The following BRINP2 variants were observed in gnomAD, a reference collection of about 807,000 sequenced individuals.
BRINP2 encodes the protein BMP/retinoic acid-inducible neural-specific protein 2.
In BRINP2, 21 loss-of-function variants were observed where a neutral mutation model predicts 69.2. The ratio of observed to expected loss-of-function variants is 0.30; its 90% CI spans 0.22 to 0.44. The LOEUF (loss-of-function observed/expected upper bound fraction) is 0.44, where lower values mean the gene tolerates loss of function less well. BRINP2 is among the 20% of genes least tolerant of loss of function. The pLI, the probability that BRINP2 is intolerant of heterozygous loss-of-function variation, is 1.00. For synonymous variants in BRINP2, 380 were observed against 394.1 expected, an observed-to-expected ratio of 0.96 and a Z score of 0.42; for missense variants, 877 against 986.0, an observed-to-expected ratio of 0.89 and a Z score of 1.48.
rs559827025 is a variant in BRINP2 at position 177,194,929 on chromosome 1, C to T, written c.-77+23197C>T. On this transcript the variant is annotated intron_variant, in intron 1 of 7. Transcript: ENST00000361539. Reference sequence around the variant, plus strand: ...ATTTTCTTGTTAAGACATCACCTTCCGGGCCTCATAACAAAATAACTTCTA... The same window carrying T: ...ATTTTCTTGTTAAGACATCACCTTCTGGGCCTCATAACAAAATAACTTCTA... Among the ~76,000 whole-genome samples, 7 of 152,250 alleles carry T rather than the reference C, an allele frequency of 4.6e-5. No individual in the cohort carries two copies. In the East Asian group the frequency reaches 1.4e-3, roughly 29 times the overall value.
intron 1 of BRINP2, among the ~76,000 whole-genome samples, chr1:177,192,818 A>G (rs1348147586): frequency 1.3e-5 from 2 of 152,244 alleles, no homozygotes; most frequent in Admixed American, 6.5e-5. Context: ...CTCTGCCAAT[A>G]TGCAGAAATG....
At chr1:177,256,884 C>T (rs1571935831) in intron 3 of BRINP2, 2 of 1,231,552 alleles carry the variant, frequency 1.6e-6, no homozygotes, top group East Asian at 9.6e-5. Context: ...ATTGTGTCTC[C>T]CCTATGAAGA....
At chr1:177,210,569 CCAGCCACATGTG>C (rs1649194135) in intron 1 of BRINP2, among the ~76,000 whole-genome samples, 1 of 152,024 alleles carries the variant, frequency 6.6e-6, no homozygotes, top group Non-Finnish European at 1.5e-5. Flanking sequence ...ATGATAGCCA[CCAGCCACATGTG>C]GCCATTGAGC....
rs983853356 is a variant in BRINP2, at chr1:177,171,501, G to A, written c.-308G>A. 6.3e-6 allele frequency: 1 copy of A among 157,932 alleles called. No individual in the cohort carries two copies. Among genetic ancestry groups the A allele is most frequent in the Non-Finnish European group, 1.4e-5 (1 of 71,888 alleles). The allele number at this position is 157,932 out of a possible 1,614,324, so 9.8% of individuals were successfully genotyped here. On this transcript the variant is annotated 5_prime_UTR_variant, in exon 1 of 8. Coordinates refer to ENST00000361539, the MANE Select transcript of BRINP2 (RefSeq NM_021165.4). ...CGGCGGCGGCACCGACAGTAAAGCGGGGAGCAAGAGAATTTGAAAAGAGAC... is the reference window on the plus strand; with the variant it reads ...CGGCGGCGGCACCGACAGTAAAGCGAGGAGCAAGAGAATTTGAAAAGAGAC...
intron 1 of BRINP2, among the ~76,000 whole-genome samples, chr1:177,224,260 A>C (rs960012005): frequency 1.3e-5 from 2 of 152,216 alleles, no homozygotes; most frequent in Non-Finnish European, 1.5e-5. Flanking sequence ...TGGCCAATTA[A>C]CCACTTATAT....
intron 6 of BRINP2, among the ~76,000 whole-genome samples, chr1:177,277,188 A>G (rs1236655626): frequency 1.3e-5 from 2 of 148,804 alleles, no homozygotes; most frequent in Non-Finnish European, 2.9e-5. Context: ...GTCTTCATAT[A>G]ATACTATAAT....
intron 4 of BRINP2, among the ~76,000 whole-genome samples, chr1:177,271,669 G>A (rs189580853): frequency 6.6e-6 from 1 of 152,322 alleles, no homozygotes; most frequent in African/African-American, 2.4e-5. Context: ...TAGAGAAGCT[G>A]TCCCTGCCCC....
At chr1:177,182,800 T>C (rs1459730836) in intron 1 of BRINP2, among the ~76,000 whole-genome samples, 1 of 152,150 alleles carries the variant, frequency 6.6e-6, no homozygotes, top group African/African-American at 2.4e-5. Context: ...AGCCTCAGGA[T>C]GCACATCTGT....
chr1:177,238,721 T>C (rs1459515296), intron 2 of BRINP2, among the ~76,000 whole-genome samples: 2 of 152,124 alleles, frequency 1.3e-5, no homozygotes, highest in East Asian at 1.9e-4. Context: ...AGAAAATAGA[T>C]GGTCTGAAAA....
At position 177,257,249 on chromosome 1, in the gene BRINP2, T is replaced by C. The variant is rs766526102; in HGVS notation, c.534T>C (p.Ser178=). 11 of 1,613,984 alleles carry C rather than the reference T, an allele frequency of 6.8e-6. No homozygotes were observed. Among genetic ancestry groups the C allele is most frequent in the Non-Finnish European group, 9.3e-6 (11 of 1,180,040 alleles). Reference sequence around the variant, plus strand: ...AGACAGAGACAACAGGAGGTGCCTCTATAATCGGGGGCAGTGGGAACAGCA... The same window carrying C: ...AGACAGAGACAACAGGAGGTGCCTCCATAATCGGGGGCAGTGGGAACAGCA... ...GRKTETTGGA[S]IIGGSGNSTA... Residue 178 remains serine, a synonymous_variant, in exon 4 of 8, where the codon TCT becomes TCC. Transcript: ENST00000361539.
intron 6 of BRINP2, 144 bp downstream of exon 6, chr1:177,276,578 G>T (rs1299401633): frequency 1.1e-5 from 8 of 730,918 alleles, no homozygotes; most frequent in African/African-American, 1.8e-5. Flanking sequence ...CCTCAAGCAG[G>T]TTATATCACC....
intron 1 of BRINP2, among the ~76,000 whole-genome samples, chr1:177,183,167 T>C (rs1648315860): frequency 6.7e-6 from 1 of 148,480 alleles, no homozygotes; most frequent in Middle Eastern, 3.4e-3. Context: ...TTTTTTCTTT[T>C]TCTGCTTCGT....
At position 177,256,105 on chromosome 1, in the gene BRINP2, T is replaced by C; in HGVS notation, c.456T>C (p.Leu152=). 1 of 1,613,830 alleles carries C rather than the reference T, an allele frequency of 6.2e-7. No individual in the cohort carries two copies. Among genetic ancestry groups the C allele is most frequent in the South Asian group, 1.1e-5 (1 of 91,044 alleles). Residue 152 remains leucine, a synonymous_variant, in exon 3 of 8, where the codon CTT becomes CTC. Transcript: ENST00000361539. ...CTCATTTCTTACTTTCTGCCACCCT[T>C]GGAGGTAAGCAACATCACAATCCCA... is the stretch of plus-strand genomic sequence containing the variant. ...YGTHFLLSAT[L]GGEESLTIFV...
At chr1:177,193,936 C>T (rs1436100616) in intron 1 of BRINP2, among the ~76,000 whole-genome samples, 1 of 152,206 alleles carries the variant, frequency 6.6e-6, no homozygotes, top group African/African-American at 2.4e-5. Flanking sequence ...GACGGACTTG[C>T]TCAAGGTCAC....
intron 5 of BRINP2, among the ~76,000 whole-genome samples, chr1:177,275,719 G>A (rs1160874236): frequency 6.6e-6 from 1 of 152,140 alleles, no homozygotes; most frequent in Non-Finnish European, 1.5e-5. Context: ...GCCCAGAAGG[G>A]TCAGAATTCA....
At chr1:177,190,458 C>T (rs1238099950) in intron 1 of BRINP2, among the ~76,000 whole-genome samples, 1 of 152,234 alleles carries the variant, frequency 6.6e-6, no homozygotes, top group Admixed American at 6.5e-5. Flanking sequence ...ATCTCTTTCT[C>T]TTGTTCTTTG....
chr1:177,197,033 G>A (rs527474607), intron 1 of BRINP2, among the ~76,000 whole-genome samples: 3 of 152,106 alleles, frequency 2.0e-5, no homozygotes, highest in African/African-American at 7.2e-5. Context: ...GTTGAATGAG[G>A]TGAGAAGGTT....
chr1:177,202,714 A>T (rs1292856128), intron 1 of BRINP2, among the ~76,000 whole-genome samples: 1 of 152,224 alleles, frequency 6.6e-6, no homozygotes, highest in Non-Finnish European at 1.5e-5. Flanking sequence ...CGGCCAAAAA[A>T]CACATGAAAA....
chr1:177,250,069 T>G (rs1355297677), intron 2 of BRINP2, among the ~76,000 whole-genome samples: 2 of 152,076 alleles, frequency 1.3e-5, no homozygotes, highest in African/African-American at 4.8e-5. Flanking sequence ...CTCCTGTGGC[T>G]GAGGCCTTAT....
Sources: allele counts gnomAD v4.1 joint callset (sites outside exome capture counted in the v4.1 genomes callset), GRCh38; gene constraint gnomAD v4.1.1; transcripts MANE v1.5; gene names NCBI Gene and HGNC (gene_info 2026-07-23, HGNC 2026-07-21).